Variants in NCOA1 observed in about 807,000 individuals in gnomAD.
The protein encoded by NCOA1 is Hin-2 protein.
NCOA1 carries 35 observed loss-of-function variants against 150.9 expected under a neutral mutation model. The observed-to-expected ratio is 0.23, with a 90% confidence interval of 0.18 to 0.31. The LOEUF (loss-of-function observed/expected upper bound fraction) is 0.31. Among genes scored for constraint, NCOA1 ranks in the 10% least tolerant of loss-of-function variants. The probability of loss-of-function intolerance (pLI) is 1.00; values close to 1 mark genes in which losing one functional copy is unlikely to be tolerated. For synonymous variants in NCOA1, 590 were observed against 630.0 expected (o/e 0.94, Z 0.95); for missense variants, 1,491 against 1,749.3 (o/e 0.85, Z 2.63).
intron 1 of NCOA1, among the ~76,000 whole-genome samples, chr2:24,559,630 C>T (rs185995508): frequency 6.6e-6 from 1 of 152,162 alleles, no homozygotes; most frequent in Non-Finnish European, 1.5e-5. Flanking sequence ...CCTGCCTTCT[C>T]TTTCTTGTGG....
chr2:24,612,751 CT>C (rs1438085560), intron 3 of NCOA1, among the ~76,000 whole-genome samples: 1 of 152,074 alleles, frequency 6.6e-6, no homozygotes, highest in African/African-American at 2.4e-5. Flanking sequence ...TGATTGACTT[CT>C]TTTTAAAGTA....
chr2:24,575,069 AGTAT>A (rs904558475), intron 2 of NCOA1, among the ~76,000 whole-genome samples: 2 of 120,240 alleles, frequency 1.7e-5, no homozygotes, highest in Non-Finnish European at 3.6e-5. Context: ...TATTTCTTCA[AGTAT>A]GTTTTTTATC....
At chr2:24,604,566 A>G (rs1668272432) in intron 3 of NCOA1, among the ~76,000 whole-genome samples, 1 of 152,218 alleles carries the variant, frequency 6.6e-6, no homozygotes, top group Non-Finnish European at 1.5e-5. Flanking sequence ...TTTAACCATC[A>G]TGAACCAATC....
intron 13 of NCOA1, 69 bp downstream of exon 13, chr2:24,707,957 C>A: frequency 6.7e-7 from 1 of 1,487,056 alleles, no homozygotes; most frequent in Non-Finnish European, 9.0e-7. Context: ...TCTATTCCAT[C>A]TGTAGACCAG....
intron 1 of NCOA1, among the ~76,000 whole-genome samples, chr2:24,538,625 T>C (rs1477833480): frequency 6.6e-6 from 1 of 152,238 alleles, no homozygotes; most frequent in Non-Finnish European, 1.5e-5. Context: ...CACCTCTAAA[T>C]GTCTGTATAT....
In NCOA1 at chr2:24,729,563, C is replaced by A. The variant is rs1662883104; in HGVS notation, c.2949C>A (p.Ile983=). The A allele has an allele frequency of 6.2e-7, 1 of 1,614,160 alleles. No individual in the cohort carries two copies. The part of the protein sequence containing the change: ...FPPQQATPPL[I]MEERPNLYSQ... Reference sequence around the variant, plus strand: ...CACAACAAGCAACGCCACCTTTGATCATGGAAGAAAGACCCAACCTTTATT... The same window carrying A: ...CACAACAAGCAACGCCACCTTTGATAATGGAAGAAAGACCCAACCTTTATT... The change falls in exon 17 of 23, where the codon ATC becomes ATA. Residue 983 remains isoleucine (I), a synonymous_variant. Coordinates refer to ENST00000348332, the MANE Select transcript of NCOA1 (RefSeq NM_003743.5).
Position 24,673,467 on chromosome 2 carries a change from G to A in NCOA1, c.354+4G>A. 2 of 1,568,738 alleles carry A rather than the reference G, an allele frequency of 1.3e-6. No individual in the cohort carries two copies. The highest frequency in any genetic ancestry group is 1.7e-6 in the Non-Finnish European group (2 of 1,159,000). On this transcript the variant is annotated splice_donor_region_variant and intron_variant, in intron 7 of 22. Transcript: ENST00000348332. The stretch of plus-strand genomic sequence containing the variant: ...CTTGGGACCTCTTCTTTTGGAGGTA[G>A]GTGTCTTCATTGACTCAGAAAGTGA...
Position 24,689,660 on chromosome 2 carries a change from G to T in NCOA1, c.533-1821G>T, listed in dbSNP as rs1238597097. On this transcript the variant is annotated intron_variant, in intron 8 of 22. Coordinates refer to ENST00000348332, the MANE Select transcript of NCOA1 (RefSeq NM_003743.5). ...CCCGCCTCAGCCTCCCAAAGTGCTG[G>T]GATTACAGGCGTGAGCCGCCACGCG... Among the ~76,000 whole-genome samples the T allele has an allele frequency of 2.0e-5, 3 of 152,254 alleles. No individual in the cohort carries two copies. The East Asian group carries it at 5.8e-4, about 29-fold the overall frequency.
chr2:24,558,391 G>A (rs1666163817), intron 1 of NCOA1, among the ~76,000 whole-genome samples: 1 of 152,172 alleles, frequency 6.6e-6, no homozygotes, highest in Admixed American at 6.5e-5. Flanking sequence ...AGTTCCACAT[G>A]GCTGGGGAGG....
chr2:24,561,565 CA>C (rs955649979), intron 1 of NCOA1, among the ~76,000 whole-genome samples: 20 of 152,008 alleles, frequency 1.3e-4, no homozygotes, highest in African/African-American at 4.8e-4. Flanking sequence ...GAGAAATATG[CA>C]AAAAGGTAGC....
intron 21 of NCOA1, among the ~76,000 whole-genome samples, chr2:24,761,907 T>C (rs974828618): frequency 6.6e-6 from 1 of 152,244 alleles, no homozygotes; most frequent in African/African-American, 2.4e-5. Flanking sequence ...CAGGGCTTAT[T>C]CCCAGCCCTG....
At chr2:24,613,128 T>C (rs1558839144) in intron 3 of NCOA1, among the ~76,000 whole-genome samples, 1 of 152,092 alleles carries the variant, frequency 6.6e-6, no homozygotes, top group Non-Finnish European at 1.5e-5. Flanking sequence ...CTAGGGGATA[T>C]GATTGTAGAG....
chr2:24,669,877 C>A (rs1191712951), intron 6 of NCOA1, among the ~76,000 whole-genome samples: 1 of 152,152 alleles, frequency 6.6e-6, no homozygotes, highest in Non-Finnish European at 1.5e-5. Context: ...GTGGCTCACG[C>A]CTGTAATCCC....
At chr2:24,529,205 G>A (rs1006719469) in intron 1 of NCOA1, among the ~76,000 whole-genome samples, 1 of 152,186 alleles carries the variant, frequency 6.6e-6, no homozygotes, top group African/African-American at 2.4e-5. Context: ...TTTTTGAATT[G>A]TTAGAACAAA....
chr2:24,705,723 T>C (rs1038546274), intron 12 of NCOA1, among the ~76,000 whole-genome samples: 2 of 152,190 alleles, frequency 1.3e-5, no homozygotes, highest in African/African-American at 2.4e-5. Context: ...TACACTGATA[T>C]ATGGTAAATT....
intron 3 of NCOA1, among the ~76,000 whole-genome samples, chr2:24,629,846 A>ATATATG (rs1290114709): frequency 1.5e-5 from 2 of 132,632 alleles, no homozygotes; most frequent in Admixed American, 7.5e-5. Context: ...ATATATATAT[A>ATATATG]TGTATTTTTT....
intron 1 of NCOA1, among the ~76,000 whole-genome samples, chr2:24,552,851 G>C (rs1368271676): frequency 1.3e-5 from 2 of 152,162 alleles, no homozygotes; most frequent in Non-Finnish European, 2.9e-5. Context: ...TCATTTAGTA[G>C]TTTTAATAGT....
At chr2:24,752,652 G>C (rs112347173) in intron 20 of NCOA1, among the ~76,000 whole-genome samples, 2 of 151,988 alleles carry the variant, frequency 1.3e-5, no homozygotes, top group Non-Finnish European at 1.5e-5. Flanking sequence ...TTTTTTAAAA[G>C]TTTTTCTTTA....
chr2:24,496,850 T>A (rs1663236762), intron 1 of NCOA1, among the ~76,000 whole-genome samples: 1 of 152,196 alleles, frequency 6.6e-6, no homozygotes, highest in South Asian at 2.1e-4. Flanking sequence ...CCTGTAAGCT[T>A]TTGAGTAATG....
Sources: allele counts gnomAD v4.1 joint callset (sites outside exome capture counted in the v4.1 genomes callset), GRCh38; gene constraint gnomAD v4.1.1; transcripts MANE v1.5; gene names NCBI Gene and HGNC (gene_info 2026-07-23, HGNC 2026-07-21).